The following KIF4A variants were observed in gnomAD, a reference collection of about 807,000 sequenced individuals.
KIF4A encodes the protein chromosome-associated kinesin KIF4A.
KIF4A carries 7 observed loss-of-function variants against 105.9 expected under a neutral mutation model. The observed-to-expected ratio is 0.07, with a 90% CI of 0.04 to 0.12. KIF4A has a LOEUF of 0.12. KIF4A is among the 10% of genes least tolerant of loss of function. The probability of loss-of-function intolerance (pLI) is 1.00; values close to 1 mark genes in which losing one functional copy is unlikely to be tolerated. For synonymous variants in KIF4A, 281 were observed against 331.3 expected, an observed-to-expected ratio of 0.85 and a Z score of 1.65; for missense variants, 558 against 929.2, an observed-to-expected ratio of 0.60 and a Z score of 5.19.
chrX:70,393,557 T>A (rs2086245370), intron 20 of KIF4A, among the ~76,000 whole-genome samples: 1 of 111,522 alleles, frequency 9.0e-6, no homozygotes, highest in South Asian at 3.7e-4. Context: ...AATTATGGAT[T>A]TTTTCCTTAG....
chrX:70,420,005 G>A, intron 30 of KIF4A, 57 bp from the exon 31 acceptor site: 1 of 1,099,552 alleles, frequency 9.1e-7, no homozygotes, highest in Non-Finnish European at 1.2e-6. Context: ...CAGCTCGGCT[G>A]GGCTGAGCTT....
At chrX:70,415,451 C>G (rs750661196) in intron 28 of KIF4A, 54 of 191,758 alleles carry the variant, frequency 2.8e-4, no homozygotes, top group Non-Finnish European at 4.2e-4. Flanking sequence ...CTCTACAAAA[C>G]CAAAAAATTA....
chrX:70,419,896 T>C, intron 30 of KIF4A, 113 bp downstream of exon 30: 2 of 1,084,098 alleles, frequency 1.8e-6, no homozygotes, highest in Non-Finnish European at 1.3e-6. Flanking sequence ...ATCAGCTTGC[T>C]GGGAACTAGG....
At chrX:70,318,230 A>G (rs1156692673) in intron 7 of KIF4A, among the ~76,000 whole-genome samples, 2 of 111,937 alleles carry the variant, frequency 1.8e-5, no homozygotes, top group South Asian at 7.4e-4. Flanking sequence ...TCTAAATAGC[A>G]TAATATAGTT....
chrX:70,342,294 A>G (rs2085975516), intron 11 of KIF4A, among the ~76,000 whole-genome samples: 1 of 112,361 alleles, frequency 8.9e-6, no homozygotes, highest in African/African-American at 3.2e-5. Flanking sequence ...CCAAGATTTT[A>G]GTTATTTTCC....
At chrX:70,378,841 C>G (rs111946666) in intron 18 of KIF4A, among the ~76,000 whole-genome samples, 1 of 108,200 alleles carries the variant, frequency 9.2e-6, no homozygotes, top group South Asian at 4.0e-4. Context: ...ACTGACAAAC[C>G]TTCAGATAGC....
intron 15 of KIF4A, among the ~76,000 whole-genome samples, chrX:70,372,088 C>T (rs1283315255): frequency 1.2e-4 from 13 of 108,144 alleles, no homozygotes; most frequent in Non-Finnish European, 2.1e-4. Context: ...GATGGGATGG[C>T]GGCCGGGAAG....
intron 7 of KIF4A, among the ~76,000 whole-genome samples, chrX:70,328,255 C>T (rs1297602151): frequency 1.8e-5 from 2 of 111,213 alleles, no homozygotes; most frequent in Non-Finnish European, 3.8e-5. Flanking sequence ...GGTCATGGTG[C>T]CAGTAGAATC....
intron 24 of KIF4A, among the ~76,000 whole-genome samples, 159 bp downstream of exon 24, chrX:70,404,193 T>C (rs1473223519): frequency 1.8e-5 from 2 of 112,207 alleles, no homozygotes; most frequent in Non-Finnish European, 3.8e-5. Flanking sequence ...AGACGTGACT[T>C]GTCTAACTTT....
intron 22 of KIF4A, among the ~76,000 whole-genome samples, chrX:70,401,957 A>G (rs1334758071): frequency 8.9e-6 from 1 of 111,757 alleles, no homozygotes; most frequent in Non-Finnish European, 1.9e-5. Flanking sequence ...AAAGCTATTA[A>G]TTAAACTGAA....
intron 7 of KIF4A, among the ~76,000 whole-genome samples, chrX:70,314,764 A>G (rs1024669512): frequency 6.3e-5 from 7 of 111,333 alleles, no homozygotes; most frequent in African/African-American, 2.3e-4. Flanking sequence ...AAATGAGTCA[A>G]TAAGAGAAGC....
chrX:70,319,955 T>A lies in KIF4A; in HGVS notation c.779-9450T>A, dbSNP rs188478831. ...GGGATATCTTAATTACCAGAACTAA[T>A]TTTTTTTCAGTGCCCATCTTACCCA... On this transcript the variant is annotated intron_variant, in intron 7 of 30. Coordinates refer to ENST00000374403, the MANE Select transcript of KIF4A (RefSeq NM_012310.5). Among the ~76,000 whole-genome samples, 5 of 111,352 alleles carry A rather than the reference T, an allele frequency of 4.5e-5. No individual in the cohort carries two copies. The East Asian group carries it at 1.4e-3, about 31-fold the overall frequency.
At chrX:70,419,617 C>G (rs781219664) in intron 29 of KIF4A, 44 bp from the exon 30 acceptor site, 1 of 1,204,123 alleles carries the variant, frequency 8.3e-7, no homozygotes, top group Admixed American at 2.2e-5. Flanking sequence ...ATTTTGTAAA[C>G]CTGGCAGCCA....
intron 15 of KIF4A, among the ~76,000 whole-genome samples, chrX:70,373,238 C>T: frequency 9.7e-6 from 1 of 102,822 alleles, no homozygotes; most frequent in Non-Finnish European, 2.0e-5. Flanking sequence ...TGCCTCTGTA[C>T]TCCAGCCTAG....
intron 22 of KIF4A, among the ~76,000 whole-genome samples, chrX:70,397,663 AGAAG>A (rs2086265353): frequency 8.9e-6 from 1 of 112,296 alleles, no homozygotes; most frequent in Non-Finnish European, 1.9e-5. Flanking sequence ...TATGAAATCT[AGAAG>A]GAACAGAACC....
chrX:70,328,499 G>A (rs1169579473), intron 7 of KIF4A, among the ~76,000 whole-genome samples: 2 of 111,889 alleles, frequency 1.8e-5, no homozygotes, highest in Non-Finnish European at 3.8e-5. Flanking sequence ...AGTTTCAAAC[G>A]TGAATTTTGG....
chrX:70,386,304 G>T (rs2086217466), intron 18 of KIF4A, among the ~76,000 whole-genome samples: 1 of 111,021 alleles, frequency 9.0e-6, no homozygotes, highest in African/African-American at 3.3e-5. Context: ...ATGTGGAAAG[G>T]ACTGTTCATT....
chrX:70,368,387 C>T (rs764813693), intron 15 of KIF4A, among the ~76,000 whole-genome samples: 2 of 111,847 alleles, frequency 1.8e-5, no homozygotes, highest in African/African-American at 3.3e-5. Flanking sequence ...TTTTTATCTA[C>T]CTTTGGTCTT....
At chrX:70,325,725 C>T in intron 7 of KIF4A, among the ~76,000 whole-genome samples, 1 of 108,470 alleles carries the variant, frequency 9.2e-6, no homozygotes, top group East Asian at 2.9e-4. Flanking sequence ...GTCTTTTTTC[C>T]CTCACCCCCA....
Sources: gnomAD v4.1 joint callset for allele counts (sites outside exome capture counted in the v4.1 genomes callset) on GRCh38, gnomAD v4.1.1 for gene constraint, MANE v1.5 for transcripts, NCBI Gene and HGNC (gene_info 2026-07-23, HGNC 2026-07-21) for gene names.